Variants in MTMR8 observed in about 807,000 individuals in gnomAD.
The protein encoded by MTMR8 is phosphatidylinositol-3,5-bisphosphate 3-phosphatase MTMR8.
In MTMR8, 65 loss-of-function variants were observed where a neutral mutation model predicts 39.3. The ratio of observed to expected loss-of-function variants is 1.65; its 90% CI spans 1.35 to 2.03. The LOEUF (loss-of-function observed/expected upper bound fraction) is 2.03, where lower values mean the gene tolerates loss of function less well. Ranked by LOEUF, MTMR8 falls within the 30% of genes most tolerant of loss-of-function variation. The probability of loss-of-function intolerance (pLI) is 0.00; values close to 1 mark genes in which losing one functional copy is unlikely to be tolerated. For synonymous variants in MTMR8, 245 were observed against 185.2 expected, an observed-to-expected ratio of 1.32 and a Z score of -2.62; for missense variants, 777 against 538.9, an observed-to-expected ratio of 1.44 and a Z score of -4.37.
At chrX:64,287,285 C>T (rs1186780751) in intron 12 of MTMR8, among the ~76,000 whole-genome samples, 2 of 111,052 alleles carry the variant, frequency 1.8e-5, no homozygotes, top group Non-Finnish European at 3.8e-5. Flanking sequence ...TCAAGGAGAA[C>T]TACAAACCAC....
chrX:64,361,840 C>T (rs181736481), intron 1 of MTMR8, among the ~76,000 whole-genome samples: 21 of 110,202 alleles, frequency 1.9e-4, no homozygotes, highest in Admixed American at 4.8e-4. Context: ...GGAAAGGGGG[C>T]GTGGAATTAA....
chrX:64,278,007 G>A (rs1350386356), intron 12 of MTMR8, among the ~76,000 whole-genome samples: 1 of 107,610 alleles, frequency 9.3e-6, no homozygotes, highest in South Asian at 4.2e-4. Context: ...CTTTTCTTCT[G>A]CTTGGTCAAT....
intron 13 of MTMR8, among the ~76,000 whole-genome samples, 162 bp from the exon 14 acceptor site, chrX:64,269,205 C>T (rs1443938271): frequency 9.0e-6 from 1 of 111,191 alleles, no homozygotes; most frequent in East Asian, 2.8e-4. Flanking sequence ...CATCACATGT[C>T]ATAGTACTTT....
intron 12 of MTMR8, among the ~76,000 whole-genome samples, chrX:64,317,753 G>T (rs1305915873): frequency 8.9e-6 from 1 of 112,088 alleles, no homozygotes; most frequent in African/African-American, 3.2e-5. Flanking sequence ...ATTTAGATCT[G>T]CTGTTTTAGC....
intron 1 of MTMR8, among the ~76,000 whole-genome samples, chrX:64,393,047 C>A (rs1924733344): frequency 8.9e-6 from 1 of 111,963 alleles, no homozygotes; most frequent in Admixed American, 9.5e-5. Flanking sequence ...AGAATCAAGT[C>A]TTCATTTGGA....
intron 12 of MTMR8, among the ~76,000 whole-genome samples, chrX:64,275,420 G>T (rs912100674): frequency 1.8e-5 from 2 of 109,936 alleles, no homozygotes; most frequent in African/African-American, 6.6e-5. Flanking sequence ...GTGGGGCCAG[G>T]TGCAGTGGCT....
intron 12 of MTMR8, 133 bp downstream of exon 12, chrX:64,328,638 TG>T: frequency 1.8e-6 from 1 of 548,285 alleles, no homozygotes; most frequent in Non-Finnish European, 2.6e-6. Flanking sequence ...CAGCAATGTA[TG>T]GGTGATATGA....
intron 12 of MTMR8, among the ~76,000 whole-genome samples, chrX:64,318,127 G>C (rs1203806298): frequency 8.9e-6 from 1 of 112,194 alleles, no homozygotes; most frequent in Admixed American, 9.4e-5. Flanking sequence ...CTTAGTGGAA[G>C]TCCAGACTTT....
At chrX:64,286,417 A>G (rs981061091) in intron 12 of MTMR8, among the ~76,000 whole-genome samples, 1 of 111,881 alleles carries the variant, frequency 8.9e-6, no homozygotes, top group Non-Finnish European at 1.9e-5. Context: ...TTCTGAAACT[A>G]CTCCAATCAA....
chrX:64,334,974 T>C (rs1208026425), intron 10 of MTMR8, among the ~76,000 whole-genome samples: 2 of 111,788 alleles, frequency 1.8e-5, no homozygotes, highest in Admixed American at 1.9e-4. Context: ...CTCTGTCTTC[T>C]CAATACCTAA....
At chrX:64,348,842 C>T (rs956378281) in intron 5 of MTMR8, 48 bp from the exon 6 acceptor site, 1 of 1,192,523 alleles carries the variant, frequency 8.4e-7, no homozygotes, top group South Asian at 1.8e-5. Flanking sequence ...CACAAATGGT[C>T]AAAAATCTTT....
intron 12 of MTMR8, among the ~76,000 whole-genome samples, chrX:64,320,167 C>T (rs1487098187): frequency 9.0e-6 from 1 of 111,394 alleles, no homozygotes; most frequent in Non-Finnish European, 1.9e-5. Flanking sequence ...TTTGAAGCAA[C>T]TGTGAATGAG....
At chrX:64,373,180 T>C (rs1481884290) in intron 1 of MTMR8, among the ~76,000 whole-genome samples, 1 of 112,138 alleles carries the variant, frequency 8.9e-6, no homozygotes, top group Non-Finnish European at 1.9e-5. Context: ...GGTGGTTAAG[T>C]GGTGAGGTAA....
At chrX:64,297,362 G>C (rs1426597149) in intron 12 of MTMR8, among the ~76,000 whole-genome samples, 1 of 107,651 alleles carries the variant, frequency 9.3e-6, no homozygotes, top group Non-Finnish European at 1.9e-5. Context: ...TGTGTTTTTT[G>C]GCGGCATAAA....
chrX:64,284,194 T>C (rs1030029334), intron 12 of MTMR8, among the ~76,000 whole-genome samples: 4 of 112,048 alleles, frequency 3.6e-5, no homozygotes, highest in African/African-American at 6.5e-5. Flanking sequence ...CTTCAGTAGA[T>C]GATTCGATCA....
chrX:64,292,984 T>G (rs1027565731), intron 12 of MTMR8, among the ~76,000 whole-genome samples: 1 of 111,176 alleles, frequency 9.0e-6, no homozygotes, highest in Non-Finnish European at 1.9e-5. Flanking sequence ...CATCCTATAC[T>G]AGGCCTTATA....
At chrX:64,314,007 A>C (rs767009477) in intron 12 of MTMR8, among the ~76,000 whole-genome samples, 1 of 112,444 alleles carries the variant, frequency 8.9e-6, no homozygotes, top group South Asian at 3.7e-4. Context: ...AGGTGGGTTC[A>C]GTTGACTGGG....
intron 8 of MTMR8, among the ~76,000 whole-genome samples, chrX:64,340,071 G>T (rs899960714): frequency 6.3e-5 from 7 of 111,745 alleles, no homozygotes; most frequent in African/African-American, 2.3e-4. Flanking sequence ...AATGCTTAGA[G>T]GTCAGGGTGT....
Position 64,354,908 on chromosome X carries a change from A to G in MTMR8, c.337T>C (p.Ser113Pro), listed in dbSNP as rs769678813. 5 of 1,198,941 alleles carry G rather than the reference A, an allele frequency of 4.2e-6. No individual in the cohort carries two copies. Among genetic ancestry groups the G allele is most frequent in the South Asian group, 1.8e-5 (1 of 54,262 alleles). The change falls in exon 4 of 14, where the codon TCT becomes CCT. Residue 113 changes from serine to proline, a missense_variant. Transcript: ENST00000374852. ...TCTTTTGAGGATTTGGGATTATAAG[A>G]AAAAGCATAAAGATCTTCAGGTAAT... ...PALPEDLYAFSYNPKSSKEMR... is the reference protein window; with the variant it reads ...PALPEDLYAFPYNPKSSKEMR...
Sources: allele counts gnomAD v4.1 joint callset (sites outside exome capture counted in the v4.1 genomes callset), GRCh38; gene constraint gnomAD v4.1.1; transcripts MANE v1.5; gene names NCBI Gene and HGNC (gene_info 2026-07-23, HGNC 2026-07-21).